The following ELL variants were observed in gnomAD, a reference collection of about 807,000 sequenced individuals.
The protein encoded by ELL is RNA polymerase II elongation factor ELL.
A neutral mutation model predicts 64.0 loss-of-function variants in ELL; 18 were observed. The observed-to-expected ratio is 0.28, with a 90% CI of 0.19 to 0.42. The LOEUF (loss-of-function observed/expected upper bound fraction) is 0.42. ELL is among the 10% of genes least tolerant of loss of function. The pLI is 1.00. For synonymous variants in ELL, 399 were observed against 376.2 expected (o/e 1.06, Z -0.70); for missense variants, 797 against 870.4 (o/e 0.92, Z 1.06).
chr19:18,443,078 C>A lies in ELL; in HGVS notation c.*1674G>T, dbSNP rs1322591298. 4.3e-6 allele frequency: 1 copy of A among 232,498 alleles called. No homozygotes were observed. The highest frequency in any genetic ancestry group is 2.2e-5 in the African/African-American group (1 of 45,294). 14.4% of individuals were successfully genotyped at this position (232,498 alleles called of 1,614,324 possible). ...TCCCAGGGCAGAGGGGCGGGCAGTC[C>A]CGGGCTGGGACCTCCTGAAATCATC... On this transcript the variant is annotated 3_prime_UTR_variant, in exon 12 of 12. Coordinates refer to ENST00000262809, the MANE Select transcript of ELL (RefSeq NM_006532.4).
At chr19:18,447,274 C>G (rs1282655530) in intron 8 of ELL, among the ~76,000 whole-genome samples, 1 of 152,254 alleles carries the variant, frequency 6.6e-6, no homozygotes, top group Non-Finnish European at 1.5e-5. Flanking sequence ...TCTGGGGCAT[C>G]CCAGTCTCTG....
At chr19:18,496,268 C>T (rs941003436) in intron 1 of ELL, among the ~76,000 whole-genome samples, 5 of 152,220 alleles carry the variant, frequency 3.3e-5, no homozygotes, top group African/African-American at 1.2e-4. Flanking sequence ...AAGAGCCACC[C>T]GTGAGCCCCA....
In ELL at chr19:18,449,812, T is replaced by C. The variant is rs997255245; in HGVS notation, c.1465+665A>G. ...CACTGCTTCTGCTGGTTCCTATAAA[T>C]GAACAGCTGCGCAGGCTCATGGCCA... On this transcript the variant is annotated intron_variant, in intron 8 of 11. Transcript: ENST00000262809. This position sits in a 1 kb window ranked among gnomAD's most constrained non-coding sequence, Gnocchi z 4.4. 3.3e-5 allele frequency among the ~76,000 whole-genome samples: 5 copies of C among 152,218 alleles called. No individual in the cohort carries two copies. Among genetic ancestry groups the C allele is most frequent in the African/African-American group, 1.2e-4 (5 of 41,452 alleles).
chr19:18,520,258 C>A (rs1976234432), intron 1 of ELL, among the ~76,000 whole-genome samples: 1 of 152,088 alleles, frequency 6.6e-6, no homozygotes, highest in Non-Finnish European at 1.5e-5. Context: ...TTATATGACT[C>A]ACGAGCTCTC....
intron 1 of ELL, among the ~76,000 whole-genome samples, chr19:18,511,831 C>T (rs981183596): frequency 1.3e-5 from 2 of 151,244 alleles, no homozygotes; most frequent in Middle Eastern, 3.2e-3. Flanking sequence ...CCAGCCTGCG[C>T]AACACAGTGA....
At position 18,465,888 on chromosome 19, in the gene ELL, C is replaced by T. The variant is rs771450349; in HGVS notation, c.214G>A (p.Ala72Thr). 9 of 1,323,950 alleles carry T rather than the reference C, an allele frequency of 6.8e-6. No individual in the cohort carries two copies. The East Asian group carries it at 8.4e-5, about 12-fold the overall frequency. 82.0% of individuals were successfully genotyped at this position (1,323,950 alleles called of 1,614,324 possible). The change falls in exon 3 of 12, where the codon GCA (alanine) becomes ACA (threonine). Residue 72 changes from alanine (A) to threonine (T), a missense_variant. Physicochemically the swap from Ala to Thr is moderately conservative, Grantham distance 58. Coordinates refer to ENST00000262809, the MANE Select transcript of ELL (RefSeq NM_006532.4). ...HISIPQPDCP[A>T]EARTFSFYLS... ...TAGAAGGAGAACGTCCGCGCCTCTG[C>T]GGGGCAGTCAGGCTGGGGGATGGAG...
chr19:18,467,285 G>A (rs1299441311), intron 2 of ELL, among the ~76,000 whole-genome samples: 1 of 152,080 alleles, frequency 6.6e-6, no homozygotes, highest in Non-Finnish European at 1.5e-5. Flanking sequence ...TCCCCAGGCT[G>A]AACACTGCCC....
intron 1 of ELL, among the ~76,000 whole-genome samples, chr19:18,500,262 A>C (rs1177933003): frequency 7.3e-6 from 1 of 136,266 alleles, no homozygotes; most frequent in Non-Finnish European, 1.6e-5. Flanking sequence ...ACTCCGTCTC[A>C]AAAAAAAAAA....
intron 1 of ELL, among the ~76,000 whole-genome samples, chr19:18,497,971 A>C (rs1429658590): frequency 6.6e-6 from 1 of 152,092 alleles, no homozygotes; most frequent in Non-Finnish European, 1.5e-5. Context: ...TCTACTAAAA[A>C]TACAAAATTA....
intron 1 of ELL, among the ~76,000 whole-genome samples, chr19:18,499,568 G>A (rs541637572): frequency 6.6e-6 from 1 of 152,352 alleles, no homozygotes; most frequent in African/African-American, 2.4e-5. Flanking sequence ...GGGTTGGGGA[G>A]ATGGTCCCTC....
rs144155903 is a variant in ELL at position 18,506,261 on chromosome 19, C to T, written c.135+15660G>A. Among the ~76,000 whole-genome samples the T allele has an allele frequency of 5.1e-4, 77 of 152,348 alleles. No individual in the cohort carries two copies. The East Asian group carries it at 6.0e-3, about 12-fold the overall frequency. On this transcript the variant is annotated intron_variant, in intron 1 of 11. Coordinates refer to ENST00000262809, the MANE Select transcript of ELL (RefSeq NM_006532.4). ...CGCCCCAGGCCTGGGCCCTGTCTCC[C>T]GCACCCTCCAGCGACCTGCCTGGGC...
Position 18,522,070 on chromosome 19 carries a change from T to G in ELL, c.-15A>C, listed in dbSNP as rs199560334. ...AGCGCCGCCATCTTGCGACCATCTCTCCCCCGCGCCCCCTTCCCGGCTCCA... is the reference window on the plus strand; with the variant it reads ...AGCGCCGCCATCTTGCGACCATCTCGCCCCCGCGCCCCCTTCCCGGCTCCA... On this transcript the variant is annotated 5_prime_UTR_variant, in exon 1 of 12. Coordinates refer to ENST00000262809, the MANE Select transcript of ELL (RefSeq NM_006532.4). 4 of 1,579,894 alleles carry G rather than the reference T, an allele frequency of 2.5e-6. No homozygotes were observed. Among genetic ancestry groups the G allele is most frequent in the Non-Finnish European group, 3.4e-6 (4 of 1,161,370 alleles).
Position 18,458,222 on chromosome 19 carries a change from C to G in ELL, c.852G>C (p.Leu284=). Residue 284 remains leucine, a synonymous_variant, in exon 6 of 12, where the codon CTG becomes CTC. Coordinates refer to ENST00000262809, the MANE Select transcript of ELL (RefSeq NM_006532.4). Reference sequence around the variant, plus strand: ...GGCATTACCGGACGAGCACCCGCTTCAGCAGCTGCTGGTCCCCCTCCGAGT... The same window carrying G: ...GGCATTACCGGACGAGCACCCGCTTGAGCAGCTGCTGGTCCCCCTCCGAGT... The part of the protein sequence containing the change: ...PGYSEGDQQL[L]KRVLVRKLCQ... 1 of 1,611,250 alleles carries G rather than the reference C, an allele frequency of 6.2e-7. No individual in the cohort carries two copies. The highest frequency in any genetic ancestry group is 8.5e-7 in the Non-Finnish European group (1 of 1,180,014).
At chr19:18,477,994 G>A (rs917581617) in intron 1 of ELL, among the ~76,000 whole-genome samples, 1 of 152,176 alleles carries the variant, frequency 6.6e-6, no homozygotes, top group Admixed American at 6.5e-5. Flanking sequence ...ACAGAAAGCA[G>A]CTGGGGTGCA....
At chr19:18,461,921 C>A in intron 4 of ELL, 69 bp from the exon 5 acceptor site, 1 of 1,550,794 alleles carries the variant, frequency 6.4e-7, no homozygotes, top group Admixed American at 1.8e-5. Flanking sequence ...TGCTGCTGAC[C>A]AGGTGCCCAG....
chr19:18,481,026 T>C (rs1373656998), intron 1 of ELL, among the ~76,000 whole-genome samples: 5 of 152,130 alleles, frequency 3.3e-5, no homozygotes, highest in Non-Finnish European at 5.9e-5. Context: ...AATATGCAGA[T>C]TGCCCAAAAC....
At position 18,482,794 on chromosome 19, in the gene ELL, T is replaced by TTGTTGTTGC. The variant is rs139501319; in HGVS notation, c.136-9913_136-9912insGCAACAACA. Among the ~76,000 whole-genome samples the TTGTTGTTGC allele has an allele frequency of 3.8e-3, 574 of 150,170 alleles. 7 individuals carry two copies. Among genetic ancestry groups the TTGTTGTTGC allele is most frequent in the African/African-American group, 7.6e-3 (307 of 40,186 alleles). ...GTTGTTGTTGTTGTTGTTGTTGTTG[T>TTGTTGTTGC]TGCTGCTGTTGTTTTGAGACAGGGC... is the stretch of plus-strand genomic sequence containing the variant. On this transcript the variant is annotated intron_variant, in intron 1 of 11. Coordinates refer to ENST00000262809, the MANE Select transcript of ELL (RefSeq NM_006532.4).
chr19:18,508,502 C>T (rs1318303928), intron 1 of ELL, among the ~76,000 whole-genome samples: 1 of 152,188 alleles, frequency 6.6e-6, no homozygotes, highest in East Asian at 1.9e-4. Flanking sequence ...CAAAAGGACC[C>T]TCCAAAGTCT....
At chr19:18,451,699 G>T in intron 6 of ELL, 51 bp from the exon 7 acceptor site, 4 of 1,409,640 alleles carry the variant, frequency 2.8e-6, no homozygotes, top group South Asian at 1.5e-5. Flanking sequence ...GGGCCTAGGG[G>T]CCCCAGGCCT....
Sources: gnomAD v4.1 joint callset for allele counts (sites outside exome capture counted in the v4.1 genomes callset) on GRCh38, gnomAD v4.1.1 for gene constraint, Gnocchi (gnomAD v3.1) non-coding constraint, MANE v1.5 for transcripts, NCBI Gene and HGNC (gene_info 2026-07-23, HGNC 2026-07-21) for gene names.